ABCA1: variants seen among roughly 807,000 people sequenced by gnomAD.
ABCA1 encodes the protein phospholipid-transporting ATPase ABCA1.
Under a neutral mutation model 262.5 loss-of-function variants are expected in ABCA1, and 133 were observed. The ratio of observed to expected loss-of-function variants is 0.51; its 90% confidence interval spans 0.44 to 0.59. The LOEUF is 0.59. Among genes scored for constraint, ABCA1 ranks in the 20% least tolerant of loss-of-function variants. The pLI, the probability that ABCA1 is intolerant of heterozygous loss-of-function variation, is 0.00. For synonymous variants in ABCA1, 1,022 were observed against 1,043.5 expected, an observed-to-expected ratio of 0.98 and a Z score of 0.40; for missense variants, 2,452 against 2,777.5, an observed-to-expected ratio of 0.88 and a Z score of 2.63.
intron 3 of ABCA1, among the ~76,000 whole-genome samples, chr9:104,887,101 A>G (rs1384078917): frequency 2.6e-5 from 4 of 152,162 alleles, no homozygotes; most frequent in Non-Finnish European, 5.9e-5. Flanking sequence ...AACATGGCAA[A>G]ACCCTGTCTC....
chr9:104,807,088 G>A (rs999567718), intron 30 of ABCA1, among the ~76,000 whole-genome samples: 3 of 152,220 alleles, frequency 2.0e-5, no homozygotes, highest in Non-Finnish European at 4.4e-5. Flanking sequence ...CAGCATGGCT[G>A]GAGTAGGATA....
chr9:104,880,689 G>A (rs1838557153), intron 5 of ABCA1, among the ~76,000 whole-genome samples: 2 of 152,132 alleles, frequency 1.3e-5, no homozygotes, highest in Admixed American at 1.3e-4. Context: ...AGAAACAGCT[G>A]CAAGGCAGAA....
At chr9:104,832,352 A>G (rs1224461467) in intron 12 of ABCA1, among the ~76,000 whole-genome samples, 1 of 152,242 alleles carries the variant, frequency 6.6e-6, no homozygotes, top group African/African-American at 2.4e-5. Flanking sequence ...AGAATAAGCT[A>G]GAGTTAATTT....
chr9:104,798,858 A>C (rs1830108925), intron 36 of ABCA1, among the ~76,000 whole-genome samples: 1 of 152,204 alleles, frequency 6.6e-6, no homozygotes, highest in Non-Finnish European at 1.5e-5. Flanking sequence ...AATAAAACTA[A>C]TGAAGGAAGT....
At chr9:104,806,580 T>C (rs374889640) in intron 30 of ABCA1, 150 bp from the exon 31 acceptor site, 6 of 768,282 alleles carry the variant, frequency 7.8e-6, no homozygotes, top group South Asian at 6.0e-5. Flanking sequence ...ATTTGATTGC[T>C]TGATCCCACA....
intron 17 of ABCA1, 162 bp downstream of exon 17, chr9:104,825,521 G>A (rs1832739287): frequency 2.7e-6 from 2 of 737,890 alleles, no homozygotes. Flanking sequence ...AGTGACAATT[G>A]TACTTTCAGC....
Position 104,812,555 on chromosome 9 carries a change from C to T in ABCA1, c.4050+19G>A, listed in dbSNP as rs375977722. The T allele has an allele frequency of 1.1e-5, 18 of 1,613,864 alleles. No homozygotes were observed. The highest frequency in any genetic ancestry group is 6.6e-5 in the South Asian group (6 of 91,086). On this transcript the variant is annotated intron_variant, in intron 28 of 49. Transcript: ENST00000374736. ...CCACCCATGAAGCCAGAGTCTCTGGCGAAAACAGCACGTCTCACCTGAGCA... is the reference window on the plus strand; with the variant it reads ...CCACCCATGAAGCCAGAGTCTCTGGTGAAAACAGCACGTCTCACCTGAGCA...
intron 3 of ABCA1, among the ~76,000 whole-genome samples, chr9:104,887,600 T>A (rs1839297391): frequency 6.6e-6 from 1 of 151,980 alleles, no homozygotes; most frequent in Non-Finnish European, 1.5e-5. Context: ...GTGCTTGGCA[T>A]AATGCTTAAA....
intron 37 of ABCA1, among the ~76,000 whole-genome samples, chr9:104,797,018 A>G (rs1829957594): frequency 6.6e-6 from 1 of 152,246 alleles, no homozygotes; most frequent in African/African-American, 2.4e-5. Context: ...GGGGCTTGTC[A>G]GCCGCTAGAA....
chr9:104,849,281 G>A (rs1835173691), intron 7 of ABCA1, among the ~76,000 whole-genome samples: 1 of 152,154 alleles, frequency 6.6e-6, no homozygotes, highest in Admixed American at 6.5e-5. Flanking sequence ...TATTAAGTTT[G>A]CTGTGGGCAT....
intron 38 of ABCA1, 49 bp downstream of exon 38, chr9:104,796,260 A>T: frequency 6.2e-7 from 1 of 1,614,006 alleles, no homozygotes; most frequent in Non-Finnish European, 8.5e-7. Flanking sequence ...GACACTGGGC[A>T]CCAAATGCCT....
chr9:104,914,744 A>G (rs1841736757), intron 1 of ABCA1, among the ~76,000 whole-genome samples: 1 of 152,238 alleles, frequency 6.6e-6, no homozygotes, highest in Non-Finnish European at 1.5e-5. Context: ...TAGTTAAAGC[A>G]GATTCACTAC....
chr9:104,840,081 C>T (rs1265571849), intron 9 of ABCA1, among the ~76,000 whole-genome samples, 198 bp downstream of exon 9: 1 of 152,190 alleles, frequency 6.6e-6, no homozygotes, highest in Non-Finnish European at 1.5e-5. Flanking sequence ...CTGAGATGTG[C>T]CAGGCTGCAT....
intron 29 of ABCA1, among the ~76,000 whole-genome samples, 157 bp downstream of exon 29, chr9:104,810,643 T>C (rs1831196161): frequency 1.3e-5 from 2 of 152,216 alleles, no homozygotes; most frequent in Admixed American, 1.3e-4. Flanking sequence ...AGTTCGCTGC[T>C]GTTCTATGCA....
chr9:104,791,514 C>G (rs1829423803), intron 43 of ABCA1, among the ~76,000 whole-genome samples: 1 of 146,168 alleles, frequency 6.8e-6, no homozygotes, highest in South Asian at 2.2e-4. Context: ...GCAACCTCCC[C>G]CTCCTAGGTT....
rs367846898 is a variant in ABCA1 at position 104,810,820 on chromosome 9, G to A, written c.4155C>T (p.Asn1385=). Residue 1385 remains asparagine (N), a synonymous_variant, in exon 29 of 50, where the codon AAC becomes AAT. Transcript: ENST00000374736. The part of the protein sequence containing the change: ...PSLELQPWMY[N]EQYTFVSNDA... Reference sequence around the variant, plus strand: ...CATACCTGACAAATGTGTACTGTTCGTTGTACATCCAGGGCTGAAGTTCCA... The same window carrying A: ...CATACCTGACAAATGTGTACTGTTCATTGTACATCCAGGGCTGAAGTTCCA... The A allele has an allele frequency of 3.2e-4, 524 of 1,614,082 alleles. 1 individual carries two copies. The highest frequency in any genetic ancestry group is 4.2e-4 in the Non-Finnish European group (496 of 1,180,054).
intron 7 of ABCA1, chr9:104,855,146 C>T: frequency 1.0e-6 from 1 of 985,090 alleles, no homozygotes; most frequent in South Asian, 4.7e-5. Flanking sequence ...CTCACCAGGA[C>T]CACTTCGCTT....
chr9:104,905,606 T>A (rs1403740833), intron 1 of ABCA1, among the ~76,000 whole-genome samples: 1 of 152,174 alleles, frequency 6.6e-6, no homozygotes, highest in Admixed American at 6.5e-5. Context: ...CTGCATCAGT[T>A]TGTTCAAAGA....
rs1379556919 is a variant in ABCA1 at position 104,814,094 on chromosome 9, C to A, written c.3901+24G>T. On this transcript the variant is annotated intron_variant, in intron 27 of 49. Transcript: ENST00000374736. The stretch of plus-strand genomic sequence containing the variant: ...AATTTCACATTCAAACAGTAGGACA[C>A]TGTTTGATCTTGCCCTAACAGACCT... 6 of 1,605,186 alleles carry A rather than the reference C, an allele frequency of 3.7e-6. No individual in the cohort carries two copies. The East Asian group carries it at 1.3e-4, about 36-fold the overall frequency.
Sources: gnomAD v4.1 joint callset for allele counts (sites outside exome capture counted in the v4.1 genomes callset) on GRCh38, gnomAD v4.1.1 for gene constraint, MANE v1.5 for transcripts, NCBI Gene and HGNC (gene_info 2026-07-23, HGNC 2026-07-21) for gene names.